TRAPPC9: variants seen among roughly 807,000 people sequenced by gnomAD.
The protein encoded by TRAPPC9 is trafficking protein particle complex subunit 9.
In TRAPPC9, 83 loss-of-function variants were observed where a neutral mutation model predicts 124.0. That is an observed-to-expected ratio of 0.67 (90% CI 0.56 to 0.80). TRAPPC9 has a LOEUF of 0.80. TRAPPC9 is among the 30% of genes least tolerant of loss of function. TRAPPC9 has a pLI of 0.00. For synonymous variants in TRAPPC9, 638 were observed against 617.5 expected (o/e 1.03, Z -0.49); for missense variants, 1,302 against 1,508.3 (o/e 0.86, Z 2.27).
intron 9 of TRAPPC9, among the ~76,000 whole-genome samples, chr8:140,352,081 T>C (rs1688488075): frequency 6.6e-6 from 1 of 152,066 alleles, no homozygotes; most frequent in African/African-American, 2.4e-5. Flanking sequence ...CCCTATAGTC[T>C]ATTTTGGTCA....
chr8:139,792,966 C>T (rs1480322561), intron 21 of TRAPPC9, among the ~76,000 whole-genome samples: 2 of 152,204 alleles, frequency 1.3e-5, no homozygotes, highest in African/African-American at 4.8e-5. Context: ...CAGAGCAGCT[C>T]CTGGCATCTT....
chr8:140,290,358 G>A (rs1037436179), intron 12 of TRAPPC9, among the ~76,000 whole-genome samples: 7 of 152,200 alleles, frequency 4.6e-5, no homozygotes, highest in African/African-American at 1.7e-4. Context: ...AGACTTGAGG[G>A]ATGGGACCTA....
chr8:139,972,380 C>T (rs916252740), intron 19 of TRAPPC9, among the ~76,000 whole-genome samples: 2 of 152,184 alleles, frequency 1.3e-5, no homozygotes, highest in African/African-American at 2.4e-5. Flanking sequence ...AGTTTTCTCA[C>T]AGTAATAGAT....
chr8:140,415,422 G>A (rs1367533149), intron 5 of TRAPPC9, among the ~76,000 whole-genome samples: 1 of 151,492 alleles, frequency 6.6e-6, no homozygotes, highest in Non-Finnish European at 1.5e-5. Flanking sequence ...GGGCGTGGTG[G>A]TGCACGCCTG....
intron 21 of TRAPPC9, among the ~76,000 whole-genome samples, chr8:139,873,166 T>C (rs1303490307): frequency 1.3e-5 from 2 of 152,016 alleles, no homozygotes; most frequent in Non-Finnish European, 2.9e-5. Context: ...AGGATAAAAG[T>C]AAGCGAATGA....
intron 19 of TRAPPC9, among the ~76,000 whole-genome samples, chr8:139,976,379 G>A (rs948850290): frequency 1.3e-5 from 2 of 152,150 alleles, no homozygotes; most frequent in African/African-American, 4.8e-5. Flanking sequence ...TTATGCAGAG[G>A]CTTATGACAC....
chr8:140,044,410 G>T (rs1338360841), intron 17 of TRAPPC9, among the ~76,000 whole-genome samples: 1 of 152,218 alleles, frequency 6.6e-6, no homozygotes, highest in East Asian at 1.9e-4. Context: ...CCGTGGCTTG[G>T]ATGTGCAACT....
At chr8:140,415,687 G>A (rs1052976923) in intron 5 of TRAPPC9, among the ~76,000 whole-genome samples, 1 of 152,000 alleles carries the variant, frequency 6.6e-6, no homozygotes, top group Non-Finnish European at 1.5e-5. Context: ...TTTAAAAACA[G>A]GCCAGGTGCA....
rs146958348 is a variant in TRAPPC9, at chr8:140,104,389, C to T, written c.2557-80310G>A. ...AGAAATATGAGGCAACATGGAATAT[C>T]ATCAGGAATAAAGATGACTGAGACC... On this transcript the variant is annotated intron_variant, in intron 17 of 22. Coordinates refer to ENST00000438773, the MANE Select transcript of TRAPPC9 (RefSeq NM_001160372.4). The surrounding 1 kb of genome is among the most constrained non-coding windows in gnomAD (Gnocchi z 4.0). Among the ~76,000 whole-genome samples the T allele has an allele frequency of 8.7e-4, 133 of 152,172 alleles. No individual in the cohort carries two copies. Among genetic ancestry groups the T allele is most frequent in the African/African-American group, 3.1e-3 (130 of 41,504 alleles).
intron 20 of TRAPPC9, chr8:139,904,504 C>T (rs1340700937): frequency 2.0e-5 from 3 of 152,198 alleles, no homozygotes; most frequent in Non-Finnish European, 4.4e-5. Context: ...TTTGCTGACA[C>T]CTTCCAGGGC....
rs750512160 is a variant in TRAPPC9 at position 140,087,462 on chromosome 8, C to T, written c.2557-63383G>A. ...CTCCCGCACAGCCCCGCTGAAGAGCCGAACGGTGCTCACACATGACTCGCC... is the reference window on the plus strand; with the variant it reads ...CTCCCGCACAGCCCCGCTGAAGAGCTGAACGGTGCTCACACATGACTCGCC... On this transcript the variant is annotated intron_variant, in intron 17 of 22. Transcript: ENST00000438773. The surrounding 1 kb of genome is among the most constrained non-coding windows in gnomAD (Gnocchi z 4.6). 6.6e-6 allele frequency among the ~76,000 whole-genome samples: 1 copy of T among 152,186 alleles called. No homozygotes were observed. The highest frequency in any genetic ancestry group is 2.4e-5 in the African/African-American group (1 of 41,448).
intron 21 of TRAPPC9, among the ~76,000 whole-genome samples, chr8:139,773,987 G>A (rs1047804712): frequency 6.6e-6 from 1 of 152,228 alleles, no homozygotes; most frequent in Non-Finnish European, 1.5e-5. Context: ...GGAAAGCCAG[G>A]CCGGCTGCGA....
intron 18 of TRAPPC9, among the ~76,000 whole-genome samples, chr8:140,021,928 A>G (rs1049844892): frequency 6.6e-6 from 1 of 152,192 alleles, no homozygotes; most frequent in Non-Finnish European, 1.5e-5. Context: ...TGTGTGCAGA[A>G]GCGCACTGGT....
In TRAPPC9 at chr8:139,869,367, G is replaced by T. The variant is rs1024348166; in HGVS notation, c.3055+16512C>A. Among the ~76,000 whole-genome samples the T allele has an allele frequency of 2.0e-5, 3 of 152,094 alleles. No homozygotes were observed. The East Asian group carries it at 5.8e-4, about 29-fold the overall frequency. ...AGAAGGGCATCTTAAATAATAAAGGGGACAGCCAAAGGACAACAGTTATGA... is the reference window on the plus strand; with the variant it reads ...AGAAGGGCATCTTAAATAATAAAGGTGACAGCCAAAGGACAACAGTTATGA... On this transcript the variant is annotated intron_variant, in intron 21 of 22. Coordinates refer to ENST00000438773, the MANE Select transcript of TRAPPC9 (RefSeq NM_001160372.4).
chr8:139,775,118 C>A (rs910903543), intron 21 of TRAPPC9, among the ~76,000 whole-genome samples: 2 of 152,164 alleles, frequency 1.3e-5, no homozygotes, highest in African/African-American at 2.4e-5. Context: ...GGCACCTAGC[C>A]CTGACTGGGC....
intron 21 of TRAPPC9, among the ~76,000 whole-genome samples, chr8:139,784,472 G>A (rs1822045210): frequency 1.3e-5 from 2 of 151,822 alleles, no homozygotes; most frequent in Admixed American, 6.6e-5. Context: ...CACTCAGGGG[G>A]CTGAGGCAGC....
chr8:140,132,168 G>A (rs2061219770), intron 17 of TRAPPC9, among the ~76,000 whole-genome samples: 1 of 152,170 alleles, frequency 6.6e-6, no homozygotes, highest in South Asian at 2.1e-4. Context: ...GACTGATGGG[G>A]ACTTTCTCAT....
intron 11 of TRAPPC9, among the ~76,000 whole-genome samples, chr8:140,297,169 C>T (rs1281048750): frequency 7.2e-6 from 1 of 139,168 alleles, no homozygotes; most frequent in African/African-American, 2.6e-5. Flanking sequence ...CCTGCCTGTT[C>T]ATCCACCACG....
chr8:140,030,092 T>C (rs771244621), intron 17 of TRAPPC9, among the ~76,000 whole-genome samples: 1 of 152,160 alleles, frequency 6.6e-6, no homozygotes, highest in Admixed American at 6.5e-5. Context: ...AACCCATTTA[T>C]AGTTTTTTAA....
Sources: allele counts gnomAD v4.1 joint callset (sites outside exome capture counted in the v4.1 genomes callset), GRCh38; gene constraint gnomAD v4.1.1; non-coding constraint Gnocchi (gnomAD v3.1); transcripts MANE v1.5; gene names NCBI Gene and HGNC (gene_info 2026-07-23, HGNC 2026-07-21).